The following SRP68 variants were observed in gnomAD, a reference collection of about 807,000 sequenced individuals.
SRP68 encodes the protein signal recognition particle subunit SRP68.
A neutral mutation model predicts 82.2 loss-of-function variants in SRP68; 15 were observed. The observed-to-expected ratio is 0.18, with a 90% CI of 0.12 to 0.28. SRP68 has a LOEUF of 0.28. Among genes scored for constraint, SRP68 ranks in the 10% least tolerant of loss-of-function variants. SRP68 has a pLI of 1.00. For missense variants in SRP68, 595 were observed against 780.5 expected, an observed-to-expected ratio of 0.76 and a Z score of 2.83; for synonymous variants, 261 against 292.6, an observed-to-expected ratio of 0.89 and a Z score of 1.10.
chr17:76,040,370 T>G, intron 15 of SRP68, 49 bp downstream of exon 15: 2 of 1,559,754 alleles, frequency 1.3e-6, no homozygotes, highest in Non-Finnish European at 1.8e-6. Context: ...ATTCCTAGTT[T>G]GTTACTAATC....
At chr17:76,053,831 A>C (rs1254952955) in intron 8 of SRP68, among the ~76,000 whole-genome samples, 1 of 152,186 alleles carries the variant, frequency 6.6e-6, no homozygotes, top group Non-Finnish European at 1.5e-5. Flanking sequence ...TATTCTATAA[A>C]TCTATATTCA....
Position 76,039,204 on chromosome 17 carries a change from T to C in SRP68, c.*502A>G, listed in dbSNP as rs2066570059. 3 of 362,598 alleles carry C rather than the reference T, an allele frequency of 8.3e-6. No individual in the cohort carries two copies. The highest frequency in any genetic ancestry group is 4.1e-5 in the South Asian group (2 of 49,282). The allele number at this position is 362,598 out of a possible 1,614,324, so 22.5% of individuals were successfully genotyped here. A position where few individuals can be genotyped will look rare whatever the true frequency, so the allele number is the denominator to read the frequency against. ...AGCTCTCTGCTTGTCTGAAACTTCT[T>C]AGCGTTCACTGGGAGGTGAAGGGGA... On this transcript the variant is annotated 3_prime_UTR_variant, in exon 16 of 16. Coordinates refer to ENST00000307877, the MANE Select transcript of SRP68 (RefSeq NM_014230.4).
In SRP68 at chr17:76,072,034, C is replaced by G; in HGVS notation, c.184+274G>C. On this transcript the variant is annotated intron_variant, in intron 1 of 15. Coordinates refer to ENST00000307877, the MANE Select transcript of SRP68 (RefSeq NM_014230.4). The surrounding 1 kb of genome is among the most constrained non-coding windows in gnomAD (Gnocchi z 4.5). ...TGTCACTTGGTCACAAGCCCTCCAA[C>G]TGGACAACTGCGGGGCACCAGGGGA... is the stretch of plus-strand genomic sequence containing the variant. 1.7e-6 allele frequency: 1 copy of G among 573,258 alleles called. No individual in the cohort carries two copies. Among genetic ancestry groups the G allele is most frequent in the Non-Finnish European group, 3.0e-6 (1 of 337,224 alleles). The allele number at this position is 573,258 out of a possible 1,614,324, so 35.5% of individuals were successfully genotyped here. A position where few individuals can be genotyped will look rare whatever the true frequency, so the allele number is the denominator to read the frequency against.
chr17:76,067,832 G>A (rs1418791706), intron 2 of SRP68, among the ~76,000 whole-genome samples: 1 of 152,176 alleles, frequency 6.6e-6, no homozygotes, highest in Non-Finnish European at 1.5e-5. Context: ...AACACAAAGA[G>A]ATGGAGGACA....
chr17:76,063,859 T>G (rs1466488066), intron 4 of SRP68, 117 bp downstream of exon 4: 1 of 899,170 alleles, frequency 1.1e-6, no homozygotes, highest in African/African-American at 1.7e-5. Context: ...TTCGGAAAGT[T>G]TTTTTCCTCT....
chr17:76,060,435 T>C, intron 6 of SRP68, 45 bp from the exon 7 acceptor site: 1 of 1,444,308 alleles, frequency 6.9e-7, no homozygotes, highest in Admixed American at 1.7e-5. Context: ...TGGTCTGTTT[T>C]CTTGAGAATC....
chr17:76,062,963 G>A (rs1448779374), intron 4 of SRP68, among the ~76,000 whole-genome samples: 2 of 149,876 alleles, frequency 1.3e-5, no homozygotes, highest in African/African-American at 4.9e-5. Flanking sequence ...GTAGAGATGG[G>A]GTTTCACCGT....
At chr17:76,061,310 T>A in intron 5 of SRP68, 91 bp from the exon 6 acceptor site, 2 of 1,004,850 alleles carry the variant, frequency 2.0e-6, no homozygotes, top group Non-Finnish European at 3.1e-6. Flanking sequence ...TATGGCCTTT[T>A]GAAGCTCTCC....
chr17:76,061,945 C>T (rs2066755372), intron 4 of SRP68, among the ~76,000 whole-genome samples: 1 of 151,422 alleles, frequency 6.6e-6, no homozygotes, highest in African/African-American at 2.4e-5. Context: ...TCAAGATCGG[C>T]CTGGGCAACA....
rs1353404342 is a variant in SRP68, at chr17:76,060,088, C to CGCACTCCA, written c.837+212_837+219dup. On this transcript the variant is annotated intron_variant, in intron 7 of 15. Transcript: ENST00000307877. ...TTGCAGTAAGCCGAGATCGTGCCAC[C>CGCACTCCA]GCACTCCAGCCTGGGTGACAGAGCG... 1.1e-4 allele frequency among the ~76,000 whole-genome samples: 14 copies of CGCACTCCA among 128,156 alleles called. No homozygotes were observed. The East Asian group carries it at 2.9e-3, about 27-fold the overall frequency. The allele number at this position is 128,156 out of a possible 152,430, so 84.1% of individuals were successfully genotyped here.
chr17:76,040,291 G>T, intron 15 of SRP68, 128 bp downstream of exon 15: 1 of 891,934 alleles, frequency 1.1e-6, no homozygotes, highest in Non-Finnish European at 1.8e-6. Context: ...TTGAGGTTGG[G>T]TAAGAGAAGG....
chr17:76,064,730 A>G (rs1194525933), intron 3 of SRP68, among the ~76,000 whole-genome samples: 1 of 151,356 alleles, frequency 6.6e-6, no homozygotes, highest in African/African-American at 2.4e-5. Context: ...AATCCCAGCT[A>G]CTTGGGAGGC....
chr17:76,053,697 C>G (rs573594682), intron 8 of SRP68: 17 of 959,030 alleles, frequency 1.8e-5, no homozygotes, highest in East Asian at 1.2e-4. Flanking sequence ...GTTTTTCTTA[C>G]GACGCCCACA....
chr17:76,052,660 T>C (rs2066682345), intron 8 of SRP68, among the ~76,000 whole-genome samples: 1 of 151,510 alleles, frequency 6.6e-6, no homozygotes, highest in African/African-American at 2.4e-5. Flanking sequence ...AAAAATTAGC[T>C]GGGCATGGTG....
intron 3 of SRP68, 98 bp downstream of exon 3, chr17:76,067,119 A>C: frequency 2.2e-6 from 2 of 915,382 alleles, no homozygotes; most frequent in Non-Finnish European, 3.6e-6. Flanking sequence ...CCCAGCCCAC[A>C]GAGATAATTA....
In SRP68 at chr17:76,050,468, T is replaced by C. The variant is rs2066663728; in HGVS notation, c.1037A>G (p.Asp346Gly). The C allele has an allele frequency of 1.2e-6, 2 of 1,613,706 alleles. No homozygotes were observed. Among genetic ancestry groups the C allele is most frequent in the African/African-American group, 2.7e-5 (2 of 74,812 alleles). ...LFESMLSECRDAIQVVREELK... is the reference protein window; with the variant it reads ...LFESMLSECRGAIQVVREELK... The stretch of plus-strand genomic sequence containing the variant: ...CTCCTCCCGAACCACCTGGATGGCG[T>C]CCCGACACTCGCTGAGCATTGATTC... The change falls in exon 9 of 16, where the codon GAC becomes GGC. Residue 346 changes from aspartate to glycine, a missense_variant. By Grantham distance (94) the Asp-to-Gly change is moderately conservative. Coordinates refer to ENST00000307877, the MANE Select transcript of SRP68 (RefSeq NM_014230.4).
rs758799435 is a variant in SRP68 at position 76,072,411 on chromosome 17, G to C, written c.81C>G (p.Ser27Arg). ...GGGGGSGGGG[S>R]GGGRGAGGEE... Reference sequence around the variant, plus strand: ...CCCCTCCGGCACCACGTCCACCGCCGCTACCGCCGCCGCCACTGCCACCGC... The same window carrying C: ...CCCCTCCGGCACCACGTCCACCGCCCCTACCGCCGCCGCCACTGCCACCGC... The change falls in exon 1 of 16, where the codon AGC (serine) becomes AGG (arginine). Residue 27 changes from serine to arginine, a missense_variant. Ser to Arg is a moderately radical substitution (Grantham distance 110). Around this residue, in one of 2 missense-constraint regions of SRP68, gnomAD observed 100 missense variants for 91.9 expected, o/e 1.09. Transcript: ENST00000307877. This position sits in a 1 kb window ranked among gnomAD's most constrained non-coding sequence, Gnocchi z 4.5. 1.3e-6 allele frequency: 2 copies of C among 1,598,570 alleles called. No individual in the cohort carries two copies. The highest frequency in any genetic ancestry group is 3.3e-5 in the Admixed American group (2 of 59,830).
chr17:76,060,297 T>A lies in SRP68; in HGVS notation c.837+11A>T, dbSNP rs779389066. On this transcript the variant is annotated intron_variant, in intron 7 of 15. Coordinates refer to ENST00000307877, the MANE Select transcript of SRP68 (RefSeq NM_014230.4). ...CAAAGACTTTTCACAAAAATGTACA[T>A]ACTAGATTACCTCCAATTTTTCAGC... 7.5e-6 allele frequency: 12 copies of A among 1,600,086 alleles called. No homozygotes were observed. The highest frequency in any genetic ancestry group is 6.6e-5 in the South Asian group (6 of 90,742).
chr17:76,054,885 TAAAAAG>T (rs2066701605), intron 8 of SRP68, among the ~76,000 whole-genome samples: 1 of 151,738 alleles, frequency 6.6e-6, no homozygotes, highest in African/African-American at 2.4e-5. Flanking sequence ...TAAAAAACAT[TAAAAAG>T]AAACAGTGCT....
Sources: allele counts gnomAD v4.1 joint callset (sites outside exome capture counted in the v4.1 genomes callset), GRCh38; gene constraint gnomAD v4.1.1; regional missense constraint gnomAD v4.1.1; non-coding constraint Gnocchi (gnomAD v3.1); transcripts MANE v1.5; gene names NCBI Gene and HGNC (gene_info 2026-07-23, HGNC 2026-07-21).